Variants in SPHKAP observed in about 807,000 individuals in gnomAD.
SPHKAP encodes the protein SPHK1 interactor, AKAP domain containing.
A neutral mutation model predicts 137.5 loss-of-function variants in SPHKAP; 67 were observed. The observed-to-expected ratio is 0.49, with a 90% confidence interval of 0.40 to 0.60. The LOEUF is 0.60. SPHKAP is among the 20% of genes least tolerant of loss of function. The pLI, the probability that SPHKAP is intolerant of heterozygous loss-of-function variation, is 0.00. For missense variants in SPHKAP, 2,097 were observed against 2,069.3 expected, an observed-to-expected ratio of 1.01 and a Z score of -0.26; for synonymous variants, 813 against 785.3, an observed-to-expected ratio of 1.04 and a Z score of -0.59.
In SPHKAP at chr2:228,075,750, T is replaced by C. The variant is rs145134268; in HGVS notation, c.246+33082A>G. ...AAACATGTAATTTCTTAGGACACTT[T>C]GAGTAGTTAAATTAGAAGCAGCTAA... On this transcript the variant is annotated intron_variant, in intron 3 of 11. Coordinates refer to ENST00000392056, the MANE Select transcript of SPHKAP (RefSeq NM_001142644.2). Among the ~76,000 whole-genome samples the C allele has an allele frequency of 5.1e-3, 778 of 152,318 alleles. 26 individuals carry two copies. The highest frequency in any genetic ancestry group is 0.044 in the Admixed American group (672 of 15,296).
chr2:228,069,317 C>T (rs1696931618), intron 3 of SPHKAP, among the ~76,000 whole-genome samples: 2 of 152,184 alleles, frequency 1.3e-5, no homozygotes, highest in Non-Finnish European at 2.9e-5. Context: ...CTCCTGAAGC[C>T]ACCTTCCAGA....
intron 1 of SPHKAP, among the ~76,000 whole-genome samples, chr2:228,134,572 C>T (rs1047221252): frequency 6.6e-6 from 1 of 152,180 alleles, no homozygotes; most frequent in African/African-American, 2.4e-5. Flanking sequence ...CTTTCTTGTC[C>T]ACAGGACAGT....
In SPHKAP at chr2:228,181,127, C is replaced by G. The variant is rs1048118727; in HGVS notation, c.32+440G>C. Among the ~76,000 whole-genome samples, 3 of 152,104 alleles carry G rather than the reference C, an allele frequency of 2.0e-5. No individual in the cohort carries two copies. The highest frequency in any genetic ancestry group is 4.8e-5 in the African/African-American group (2 of 41,426). ...CCCCACCCCAGCAGCCCCAGACACC[C>G]GCCCAGGTCAAGGTGGAAGGAAAGC... is the stretch of plus-strand genomic sequence containing the variant. On this transcript the variant is annotated intron_variant, in intron 1 of 11. Transcript: ENST00000392056. This position sits in a 1 kb window ranked among gnomAD's most constrained non-coding sequence, Gnocchi z 4.3.
At chr2:228,066,885 A>G (rs900308954) in intron 3 of SPHKAP, among the ~76,000 whole-genome samples, 1 of 152,334 alleles carries the variant, frequency 6.6e-6, no homozygotes, top group African/African-American at 2.4e-5. Flanking sequence ...GAAGGGTAAT[A>G]CTTCGGAAAC....
At chr2:228,050,472 C>T (rs537109030) in intron 3 of SPHKAP, among the ~76,000 whole-genome samples, 1 of 152,212 alleles carries the variant, frequency 6.6e-6, no homozygotes, top group South Asian at 2.1e-4. Flanking sequence ...ATGGAATCAC[C>T]CTAGGTGCTC....
In SPHKAP at chr2:227,991,182, G is replaced by T. The variant is rs771188184; in HGVS notation, c.4777C>A (p.Pro1593Thr). 1.2e-6 allele frequency: 2 copies of T among 1,613,966 alleles called. No individual in the cohort carries two copies. The highest frequency in any genetic ancestry group is 8.5e-7 in the Non-Finnish European group (1 of 1,180,012). Residue 1593 changes from proline (P) to threonine (T), a missense_variant and splice_region_variant, in exon 11 of 12, where the codon CCT becomes ACT. Coordinates refer to ENST00000392056, the MANE Select transcript of SPHKAP (RefSeq NM_001142644.2). ...GTTCCCGTAGGCGGTCCAGATGCAG[G>T]TGCTGAGAACAGACACAACCACAGC... is the stretch of plus-strand genomic sequence containing the variant. ...LKGQSESTEA[P>T]ASGPPTGTAS... is the part of the protein sequence containing the mutation.
chr2:228,129,726 A>G (rs769976226), intron 2 of SPHKAP, among the ~76,000 whole-genome samples: 3 of 151,660 alleles, frequency 2.0e-5, no homozygotes, highest in Non-Finnish European at 4.4e-5. Flanking sequence ...ACATATGCAT[A>G]CACACACAAA....
chr2:228,003,783 ATTTTGTCAAAGGAC>A (rs1050359115), intron 7 of SPHKAP, among the ~76,000 whole-genome samples: 1 of 152,162 alleles, frequency 6.6e-6, no homozygotes, highest in Non-Finnish European at 1.5e-5. Flanking sequence ...GGGCTCTTGA[ATTTTGTCAAAGGAC>A]TTTTCTGCAT....
chr2:228,069,801 A>G (rs1387508670), intron 3 of SPHKAP, among the ~76,000 whole-genome samples: 2 of 152,198 alleles, frequency 1.3e-5, no homozygotes, highest in East Asian at 3.8e-4. Context: ...AAATGGCTGG[A>G]TCAAATGTGG....
In SPHKAP at chr2:227,993,518, C is replaced by A. The variant is rs1178165690; in HGVS notation, c.4721+16G>T. ...AGTAGTGGTCTCACAATCACTGCAT[C>A]TCAGTGGCTACTTACTTAATCATGG... is the stretch of plus-strand genomic sequence containing the variant. On this transcript the variant is annotated intron_variant, in intron 9 of 11. Coordinates refer to ENST00000392056, the MANE Select transcript of SPHKAP (RefSeq NM_001142644.2). 3 of 1,588,262 alleles carry A rather than the reference C, an allele frequency of 1.9e-6. No individual in the cohort carries two copies. The African/African-American group carries it at 4.0e-5, about 21-fold the overall frequency.
At chr2:228,059,959 C>T (rs909323217) in intron 3 of SPHKAP, among the ~76,000 whole-genome samples, 1 of 152,096 alleles carries the variant, frequency 6.6e-6, no homozygotes, top group African/African-American at 2.4e-5. Context: ...TAAGCTTGAC[C>T]CTGACCCTGT....
At chr2:228,169,139 T>C (rs764684178) in intron 1 of SPHKAP, among the ~76,000 whole-genome samples, 3 of 152,148 alleles carry the variant, frequency 2.0e-5, no homozygotes, top group African/African-American at 4.8e-5. Flanking sequence ...TCTCCATATA[T>C]AGAAGTGCAA....
At chr2:227,987,413 A>G (rs1030494713) in intron 11 of SPHKAP, among the ~76,000 whole-genome samples, 5 of 152,172 alleles carry the variant, frequency 3.3e-5, no homozygotes, top group Non-Finnish European at 7.3e-5. Flanking sequence ...TCTAAATTAG[A>G]ATGTAAAATC....
At chr2:228,075,992 G>C (rs1213689942) in intron 3 of SPHKAP, among the ~76,000 whole-genome samples, 2 of 152,270 alleles carry the variant, frequency 1.3e-5, no homozygotes, top group African/African-American at 4.8e-5. Context: ...GAACACAGTG[G>C]GAGGTGATTG....
chr2:227,989,010 A>G (rs1693314395), intron 11 of SPHKAP, among the ~76,000 whole-genome samples: 1 of 152,192 alleles, frequency 6.6e-6, no homozygotes, highest in Non-Finnish European at 1.5e-5. Flanking sequence ...AGGGTATGAA[A>G]AATGAATTAG....
intron 3 of SPHKAP, among the ~76,000 whole-genome samples, chr2:228,084,792 A>C (rs1697486814): frequency 6.6e-6 from 1 of 152,190 alleles, no homozygotes; most frequent in Admixed American, 6.5e-5. Flanking sequence ...TAGGTGAAGA[A>C]TGAGAAAGGG....
At chr2:228,033,683 C>T (rs901653991) in intron 3 of SPHKAP, among the ~76,000 whole-genome samples, 6 of 152,198 alleles carry the variant, frequency 3.9e-5, no homozygotes, top group African/African-American at 1.4e-4. Context: ...AACTTTCTCT[C>T]AGACCACAGT....
intron 3 of SPHKAP, among the ~76,000 whole-genome samples, chr2:228,096,965 C>G (rs554931363): frequency 1.3e-5 from 2 of 151,894 alleles, no homozygotes; most frequent in African/African-American, 4.8e-5. Flanking sequence ...AAAAATTTAC[C>G]CTGAGAATCT....
intron 7 of SPHKAP, among the ~76,000 whole-genome samples, chr2:228,010,020 C>G (rs1694306288): frequency 6.6e-6 from 1 of 152,194 alleles, no homozygotes; most frequent in Non-Finnish European, 1.5e-5. Flanking sequence ...TCTTCTTTCT[C>G]TGCATATCTC....
Sources: gnomAD v4.1 joint callset for allele counts (sites outside exome capture counted in the v4.1 genomes callset) on GRCh38, gnomAD v4.1.1 for gene constraint, Gnocchi (gnomAD v3.1) non-coding constraint, MANE v1.5 for transcripts, NCBI Gene and HGNC (gene_info 2026-07-23, HGNC 2026-07-21) for gene names.